The following ANXA8 variants were observed in gnomAD, a reference collection of about 807,000 sequenced individuals.
ANXA8 encodes annexin A8, also known as VAC-beta.
Under a neutral mutation model 26.8 loss-of-function variants are expected in ANXA8, and 9 were observed. That is an observed-to-expected ratio of 0.34 (90% CI 0.20 to 0.59). The LOEUF is 0.59. Ranked by LOEUF, ANXA8 falls within the 20% of genes least tolerant of loss-of-function variation. ANXA8 has a pLI of 0.84. For synonymous variants in ANXA8, 39 were observed against 94.8 expected (o/e 0.41, Z 3.42); for missense variants, 83 against 238.5 (o/e 0.35, Z 4.29).
At chr10:47,607,046 CCA>C in the ANXA8 span, among the ~76,000 whole-genome samples, 1 of 141,058 alleles carries the variant, frequency 7.1e-6, no homozygotes, top group Non-Finnish European at 1.5e-5. Flanking sequence ...GTGTGCCCAG[CCA>C]CAGTTTTTTC....
the ANXA8 span, among the ~76,000 whole-genome samples, chr10:47,510,935 A>T: frequency 0.3 from 34,753 of 114,636 alleles, 5,613 homozygotes; most frequent in East Asian, 0.43. Context: ...TTAATTAATT[A>T]ATTTATTTAT....
chr10:47,989,107 C>G, the ANXA8 span, among the ~76,000 whole-genome samples: 10 of 142,064 alleles, frequency 7.0e-5, no homozygotes, highest in South Asian at 2.0e-3. Flanking sequence ...ATCTGGACTC[C>G]CTTACACAGC....
the ANXA8 span, among the ~76,000 whole-genome samples, chr10:47,640,873 T>C: frequency 7.6e-6 from 1 of 131,810 alleles, no homozygotes. Context: ...TTCTGAAATA[T>C]GAAAAAGTGT....
At chr10:47,609,698 CAA>C in the ANXA8 span, among the ~76,000 whole-genome samples, 2 of 7,332 alleles carry the variant, frequency 2.7e-4, no homozygotes, top group African/African-American at 1.0e-3. Flanking sequence ...GTTATAGCAA[CAA>C]ATAAAGAAAA....
chr10:47,480,780 T>G (rs1465950733), intron 1 of ANXA8, among the ~76,000 whole-genome samples: 1 of 113,754 alleles, frequency 8.8e-6, no homozygotes, highest in Non-Finnish European at 1.8e-5. Flanking sequence ...TCTGCCCATC[T>G]ACTTTCCCAC....
the ANXA8 span, among the ~76,000 whole-genome samples, chr10:47,694,060 T>A: frequency 2.6e-5 from 4 of 151,698 alleles, no homozygotes; most frequent in Non-Finnish European, 5.9e-5. Flanking sequence ...TAGGTAGGTG[T>A]AAACTCAACT....
At chr10:47,643,529 AATC>A in the ANXA8 span, among the ~76,000 whole-genome samples, 2 of 106,798 alleles carry the variant, frequency 1.9e-5, no homozygotes, top group Non-Finnish European at 2.2e-5. Flanking sequence ...ACTCCATAAA[AATC>A]AATCAATCAA....
At chr10:47,979,411 A>G in the ANXA8 span, among the ~76,000 whole-genome samples, 1 of 151,470 alleles carries the variant, frequency 6.6e-6, no homozygotes, top group Non-Finnish European at 1.5e-5. Context: ...AAATCTTGTC[A>G]TGAGAAGAAT....
chr10:47,521,761 G>C, the ANXA8 span, among the ~76,000 whole-genome samples: 1 of 151,290 alleles, frequency 6.6e-6, no homozygotes, highest in African/African-American at 2.4e-5. Flanking sequence ...CAACAGTGTA[G>C]AGACTAAAAA....
At chr10:47,666,478 AG>A in the ANXA8 span, among the ~76,000 whole-genome samples, 1 of 151,888 alleles carries the variant, frequency 6.6e-6, no homozygotes, top group African/African-American at 2.4e-5. Context: ...TTGACAGACC[AG>A]GGAGCAGAAG....
the ANXA8 span, among the ~76,000 whole-genome samples, chr10:47,585,783 TA>T: frequency 7.0e-4 from 33 of 47,110 alleles, no homozygotes; most frequent in South Asian, 2.5e-3. Flanking sequence ...AATTTTTTTG[TA>T]AAAAAAAAAA....
At chr10:47,486,230 G>A (rs1307770133), upstream of ANXA8, among the ~76,000 whole-genome samples, 1 of 151,362 alleles carries the variant, frequency 6.6e-6, no homozygotes, top group African/African-American at 2.4e-5. Context: ...ACAGGAAGCA[G>A]CTCAGTGGGG....
At chr10:47,983,204 AT>A in the ANXA8 span, among the ~76,000 whole-genome samples, 3 of 56,574 alleles carry the variant, frequency 5.3e-5, 1 homozygote, top group Non-Finnish European at 1.2e-4. Flanking sequence ...TGGGTGTAGT[AT>A]TATCATATGA....
At chr10:47,576,712 G>T in the ANXA8 span, among the ~76,000 whole-genome samples, 3 of 150,436 alleles carry the variant, frequency 2.0e-5, no homozygotes, top group East Asian at 5.8e-4. Context: ...GAGAGACAAG[G>T]TCTCACCATG....
At chr10:47,667,683 G>A in the ANXA8 span, among the ~76,000 whole-genome samples, 73 of 151,760 alleles carry the variant, frequency 4.8e-4, no homozygotes, top group Non-Finnish European at 5.9e-5. Flanking sequence ...CTACCCAGTA[G>A]CTGGAATTAC....
At chr10:47,944,285 G>C in the ANXA8 span, among the ~76,000 whole-genome samples, 1 of 147,718 alleles carries the variant, frequency 6.8e-6, no homozygotes, top group Non-Finnish European at 1.5e-5. Flanking sequence ...CCTCCTAATA[G>C]CATCACCTTG....
the ANXA8 span, among the ~76,000 whole-genome samples, chr10:47,744,490 G>C: frequency 7.0e-6 from 1 of 143,356 alleles, no homozygotes; most frequent in South Asian, 2.3e-4. Flanking sequence ...ACCTACTACA[G>C]CGGTAAGGGC....
chr10:47,487,505 C>T, upstream of ANXA8: 1 of 523,600 alleles, frequency 1.9e-6, no homozygotes. Flanking sequence ...GGATTAGTCT[C>T]TGGAGTGGCC....
the ANXA8 span, among the ~76,000 whole-genome samples, chr10:47,697,200 C>T: frequency 6.6e-6 from 1 of 152,228 alleles, no homozygotes; most frequent in Non-Finnish European, 1.5e-5. Flanking sequence ...TCCTGGCCCT[C>T]TTACTTCCAG....
Sources: gnomAD v4.1 joint callset for allele counts (sites outside exome capture counted in the v4.1 genomes callset) on GRCh38, gnomAD v4.1.1 for gene constraint, MANE v1.5 for transcripts, NCBI Gene and HGNC (gene_info 2026-07-23, HGNC 2026-07-21) for gene names.